Variants in NRXN3 observed in about 807,000 individuals in gnomAD.
NRXN3 encodes the protein neurexin 3, also known as neurexin III.
In NRXN3, 32 loss-of-function variants were observed where a neutral mutation model predicts 137.6. The ratio of observed to expected loss-of-function variants is 0.23; its 90% CI spans 0.18 to 0.31. The LOEUF is 0.31. Among genes scored for constraint, NRXN3 ranks in the 10% least tolerant of loss-of-function variants. NRXN3 has a pLI of 1.00. For synonymous variants in NRXN3, 798 were observed against 784.5 expected, an observed-to-expected ratio of 1.02 and a Z score of -0.29; for missense variants, 1,574 against 2,062.5, an observed-to-expected ratio of 0.76 and a Z score of 4.59.
At chr14:79,549,818 A>G (rs1470569103) in intron 16 of NRXN3, among the ~76,000 whole-genome samples, 1 of 152,084 alleles carries the variant, frequency 6.6e-6, no homozygotes, top group Non-Finnish European at 1.5e-5. Context: ...CTATTGAGCC[A>G]CATCTGTCTA....
At chr14:79,587,023 A>G (rs946925733) in intron 16 of NRXN3, among the ~76,000 whole-genome samples, 43 of 152,148 alleles carry the variant, frequency 2.8e-4, no homozygotes, top group African/African-American at 1.0e-3. Context: ...GATCCCACTG[A>G]TGACCATTTT....
At chr14:78,927,293 A>G (rs567012078) in intron 10 of NRXN3, among the ~76,000 whole-genome samples, 1 of 152,024 alleles carries the variant, frequency 6.6e-6, no homozygotes, top group East Asian at 1.9e-4. Flanking sequence ...CATGGCACTC[A>G]GAATCCTGAT....
intron 15 of NRXN3, among the ~76,000 whole-genome samples, chr14:79,173,287 T>C (rs1238464537): frequency 6.6e-6 from 1 of 151,998 alleles, no homozygotes. Flanking sequence ...CTCAGCACTT[T>C]GTAAGGCCAA....
intron 16 of NRXN3, among the ~76,000 whole-genome samples, chr14:79,564,027 G>C (rs1358155862): frequency 6.6e-6 from 1 of 152,110 alleles, no homozygotes; most frequent in African/African-American, 2.4e-5. Flanking sequence ...AAAGAAGGAA[G>C]AGAAGTATGG....
rs1350835876 is a variant in NRXN3 at position 79,199,628 on chromosome 14, A to G, written c.3262+211487A>G. On this transcript the variant is annotated intron_variant, in intron 15 of 20. Coordinates refer to ENST00000335750, the MANE Select transcript of NRXN3 (RefSeq NM_001330195.2). ...TTAAGGTGATATGTGTTAAGAGCAAATCAACTGATAGAGATAGAAATGTGG... is the reference window on the plus strand; with the variant it reads ...TTAAGGTGATATGTGTTAAGAGCAAGTCAACTGATAGAGATAGAAATGTGG... Among the ~76,000 whole-genome samples the G allele has an allele frequency of 2.6e-5, 4 of 152,342 alleles. No homozygotes were observed. In the South Asian group the frequency reaches 8.3e-4, roughly 32 times the overall value.
At chr14:78,717,239 G>C (rs2152855291) in intron 8 of NRXN3, among the ~76,000 whole-genome samples, 2 of 152,302 alleles carry the variant, frequency 1.3e-5, no homozygotes, top group East Asian at 3.9e-4. Flanking sequence ...CCCATTTCAA[G>C]GGTGAATCAA....
intron 1 of NRXN3, among the ~76,000 whole-genome samples, chr14:78,238,164 C>T (rs1330578837): frequency 2.0e-5 from 3 of 151,798 alleles, no homozygotes; most frequent in African/African-American, 7.3e-5. Flanking sequence ...CCACCCTGCC[C>T]CCTCCTAAGC....
intron 20 of NRXN3, among the ~76,000 whole-genome samples, chr14:79,806,996 G>GAGAT (rs1223827056): frequency 3.4e-4 from 9 of 26,598 alleles, no homozygotes; most frequent in Admixed American, 5.7e-4. Flanking sequence ...TTTTTTTTTT[G>GAGAT]AGATAGGGTC....
chr14:79,850,364 G>A (rs1234688754), intron 20 of NRXN3, among the ~76,000 whole-genome samples: 1 of 152,096 alleles, frequency 6.6e-6, no homozygotes, highest in Non-Finnish European at 1.5e-5. Context: ...TCTATACACT[G>A]AAGACAATGC....
At chr14:78,731,767 CTAA>C (rs921110384) in intron 8 of NRXN3, among the ~76,000 whole-genome samples, 15 of 149,534 alleles carry the variant, frequency 1.0e-4, no homozygotes, top group Admixed American at 8.1e-4. Context: ...AGTAATTATT[CTAA>C]TTTTTCCAGT....
intron 15 of NRXN3, among the ~76,000 whole-genome samples, chr14:79,223,209 T>G (rs759632450): frequency 1.3e-5 from 2 of 152,056 alleles, no homozygotes; most frequent in Non-Finnish European, 2.9e-5. Flanking sequence ...AGACTCACAT[T>G]TCAATTCTCT....
At chr14:78,182,993 C>T (rs12897003) in intron 1 of NRXN3, among the ~76,000 whole-genome samples, 24,582 of 152,094 alleles carry the variant, frequency 0.16, 2,598 homozygotes, top group Middle Eastern at 0.24. Context: ...CTGCATCCTG[C>T]CTGGACATCA....
At chr14:79,810,586 T>C (rs1009578265) in intron 20 of NRXN3, among the ~76,000 whole-genome samples, 1 of 152,240 alleles carries the variant, frequency 6.6e-6, no homozygotes, top group Admixed American at 6.5e-5. Context: ...GTGTTACTGC[T>C]ACTTAGTTCC....
At chr14:78,465,130 A>G (rs1228911897) in intron 4 of NRXN3, among the ~76,000 whole-genome samples, 2 of 152,088 alleles carry the variant, frequency 1.3e-5, no homozygotes, top group African/African-American at 4.8e-5. Context: ...GTGTAAGACA[A>G]TTGAATGAGT....
chr14:79,358,669 G>GAAAT (rs1599126063), intron 15 of NRXN3, among the ~76,000 whole-genome samples: 2 of 150,396 alleles, frequency 1.3e-5, no homozygotes, highest in East Asian at 3.9e-4. Context: ...AAGAAAGAAA[G>GAAAT]TGTCCTAAAA....
At chr14:78,957,406 C>G (rs1166068463) in intron 11 of NRXN3, 45 bp downstream of exon 11, 1 of 1,547,076 alleles carries the variant, frequency 6.5e-7, no homozygotes, top group Non-Finnish European at 8.7e-7. Context: ...TCTCTCAGTC[C>G]TCTCAGTCAC....
chr14:78,356,891 G>GA (rs1225411663), intron 4 of NRXN3, among the ~76,000 whole-genome samples: 25 of 152,304 alleles, frequency 1.6e-4, no homozygotes, highest in African/African-American at 5.3e-4. Flanking sequence ...TCACTTGGAT[G>GA]AAAAAATAAA....
chr14:78,318,416 T>C (rs1314033009), intron 4 of NRXN3, among the ~76,000 whole-genome samples: 1 of 152,208 alleles, frequency 6.6e-6, no homozygotes, highest in East Asian at 1.9e-4. Flanking sequence ...CATGGATTGC[T>C]ATTGATGGAT....
In NRXN3 at chr14:78,268,582, G is replaced by C. The variant is rs183578293; in HGVS notation, c.710-10063G>C. On this transcript the variant is annotated intron_variant, in intron 2 of 20. Transcript: ENST00000335750. ...TAGATTTGGGTGGTGAGACCAGTAA[G>C]GGAAGAAATATTTGTGGATGGAAGT... Among the ~76,000 whole-genome samples the C allele has an allele frequency of 4.3e-3, 658 of 152,286 alleles. 3 individuals are homozygous for C. The highest frequency in any genetic ancestry group is 6.6e-3 in the Non-Finnish European group (451 of 68,026).
Sources: gnomAD v4.1 joint callset for allele counts (sites outside exome capture counted in the v4.1 genomes callset) on GRCh38, gnomAD v4.1.1 for gene constraint, MANE v1.5 for transcripts, NCBI Gene and HGNC (gene_info 2026-07-23, HGNC 2026-07-21) for gene names.